RIMS2: variants seen among roughly 807,000 people sequenced by gnomAD.
RIMS2 encodes the protein regulating synaptic membrane exocytosis 2, also known as regulating synaptic membrane exocytosis protein 2.
In RIMS2, 59 loss-of-function variants were observed where a neutral mutation model predicts 174.4. The ratio of observed to expected loss-of-function variants is 0.34; its 90% confidence interval spans 0.27 to 0.42. RIMS2 has a LOEUF of 0.42. RIMS2 is among the 10% of genes least tolerant of loss of function. RIMS2 has a pLI of 1.00. For synonymous variants in RIMS2, 606 were observed against 572.5 expected (o/e 1.06, Z -0.84); for missense variants, 1,620 against 1,666.3 (o/e 0.97, Z 0.48).
intron 17 of RIMS2, among the ~76,000 whole-genome samples, chr8:104,005,334 G>A (rs1480731693): frequency 2.0e-5 from 3 of 152,152 alleles, no homozygotes; most frequent in Non-Finnish European, 2.9e-5. Flanking sequence ...TGTCTCTAGG[G>A]AGCCAGCTTC....
intron 1 of RIMS2, among the ~76,000 whole-genome samples, chr8:103,679,104 AC>A (rs2096848894): frequency 6.6e-6 from 1 of 152,068 alleles, no homozygotes; most frequent in African/African-American, 2.4e-5. Flanking sequence ...CATGAAGAAG[AC>A]CAGAGGCAAA....
chr8:103,626,111 A>G (rs1054867494), intron 1 of RIMS2, among the ~76,000 whole-genome samples: 1 of 152,092 alleles, frequency 6.6e-6, no homozygotes, highest in Non-Finnish European at 1.5e-5. Context: ...ACCACTTTAG[A>G]TGGTACATTA....
chr8:104,241,701 A>G (rs150404880), intron 19 of RIMS2, among the ~76,000 whole-genome samples: 9 of 152,296 alleles, frequency 5.9e-5, no homozygotes, highest in African/African-American at 2.2e-4. Flanking sequence ...TTAAAGCTAC[A>G]TGGAGAGACA....
At chr8:104,151,466 G>T (rs956313656) in intron 19 of RIMS2, among the ~76,000 whole-genome samples, 2 of 152,088 alleles carry the variant, frequency 1.3e-5, no homozygotes, top group Non-Finnish European at 2.9e-5. Context: ...CTACACTGGA[G>T]GCTGAGGCAT....
chr8:103,975,226 CTTTATA>C (rs563726210), intron 15 of RIMS2, 118 bp from the exon 18 acceptor site: 142 of 560,498 alleles, frequency 2.5e-4, no homozygotes, highest in African/African-American at 2.5e-3. Flanking sequence ...ATTCACTATA[CTTTATA>C]TTTAATATAT....
intron 2 of RIMS2, among the ~76,000 whole-genome samples, chr8:103,749,530 A>C (rs942260762): frequency 6.6e-6 from 1 of 151,834 alleles, no homozygotes; most frequent in African/African-American, 2.4e-5. Context: ...GGGGAGCATG[A>C]GGTGTTTTGA....
intron 19 of RIMS2, among the ~76,000 whole-genome samples, chr8:104,134,332 T>C (rs2098500378): frequency 6.6e-6 from 1 of 152,046 alleles, no homozygotes; most frequent in Non-Finnish European, 1.5e-5. Flanking sequence ...GAGCATGGTG[T>C]TGAGCGCCTA....
At chr8:104,230,317 T>TA (rs567659337) in intron 19 of RIMS2, among the ~76,000 whole-genome samples, 362 of 148,366 alleles carry the variant, frequency 2.4e-3, no homozygotes, top group African/African-American at 8.3e-3. Flanking sequence ...TAAATGAGAC[T>TA]AAAAGGAAAG....
At chr8:103,835,173 C>T (rs1384620243) in intron 3 of RIMS2, among the ~76,000 whole-genome samples, 2 of 148,770 alleles carry the variant, frequency 1.3e-5, no homozygotes, top group African/African-American at 5.0e-5. Flanking sequence ...GCGATCTCAG[C>T]TCACTGCACC....
intron 17 of RIMS2, among the ~76,000 whole-genome samples, chr8:103,989,874 A>C (rs1024189596): frequency 1.3e-5 from 2 of 152,178 alleles, no homozygotes; most frequent in Non-Finnish European, 2.9e-5. Context: ...TGATTTGTTT[A>C]GGAAACATTT....
At chr8:104,120,005 G>C (rs542657435) in intron 19 of RIMS2, among the ~76,000 whole-genome samples, 32 of 152,266 alleles carry the variant, frequency 2.1e-4, no homozygotes, top group Admixed American at 3.9e-4. Context: ...AAGTTTTTTA[G>C]CATATTTCCT....
intron 19 of RIMS2, among the ~76,000 whole-genome samples, chr8:104,173,550 A>G (rs2098844533): frequency 6.7e-6 from 1 of 149,954 alleles, no homozygotes; most frequent in Non-Finnish European, 1.5e-5. Flanking sequence ...CATTTTTTAT[A>G]GAACAAAGAA....
intron 1 of RIMS2, among the ~76,000 whole-genome samples, chr8:103,503,599 A>G (rs79295625): frequency 6.6e-6 from 1 of 151,962 alleles, no homozygotes; most frequent in Non-Finnish European, 1.5e-5. Context: ...AATAAACTGA[A>G]ATTTAAATGC....
intron 19 of RIMS2, among the ~76,000 whole-genome samples, chr8:104,056,201 A>T (rs552751548): frequency 6.6e-6 from 1 of 152,102 alleles, no homozygotes; most frequent in Admixed American, 6.6e-5. Context: ...TCAGGAGATC[A>T]AGACCATCCT....
At chr8:103,876,864 T>TTTTTTATA (rs1378279723) in intron 3 of RIMS2, among the ~76,000 whole-genome samples, 2 of 68,108 alleles carry the variant, frequency 2.9e-5, no homozygotes, top group South Asian at 6.6e-4. Context: ...ACACACTATT[T>TTTTTTATA]TATATATATA....
At chr8:104,252,217 C>G (rs112773352), downstream of RIMS2, 114 of 220,394 alleles carry the variant, frequency 5.2e-4, no homozygotes, top group Non-Finnish European at 9.5e-4. Context: ...TGGAGCTATA[C>G]AGCCATGAAG....
intron 3 of RIMS2, among the ~76,000 whole-genome samples, chr8:103,845,140 T>C (rs1478884589): frequency 1.3e-5 from 2 of 152,158 alleles, no homozygotes; most frequent in Non-Finnish European, 2.9e-5. Context: ...ACAATCACTT[T>C]AATTTTAAGC....
intron 1 of RIMS2, among the ~76,000 whole-genome samples, chr8:103,503,541 C>T (rs1821676667): frequency 6.6e-6 from 1 of 151,800 alleles, no homozygotes; most frequent in South Asian, 2.1e-4. Flanking sequence ...CTTTTTAGTG[C>T]TGTTCATTAC....
chr8:104,015,784 C>T (rs1289758216), intron 19 of RIMS2, among the ~76,000 whole-genome samples: 2 of 151,942 alleles, frequency 1.3e-5, no homozygotes, highest in Non-Finnish European at 2.9e-5. Context: ...CCAAAGATAT[C>T]AATTGCAGTC....
Sources: gnomAD v4.1 joint callset for allele counts (sites outside exome capture counted in the v4.1 genomes callset) on GRCh38, gnomAD v4.1.1 for gene constraint, MANE v1.5 for transcripts, NCBI Gene and HGNC (gene_info 2026-07-23, HGNC 2026-07-21) for gene names.